Variants in GRID2 observed in about 807,000 individuals in gnomAD.
The protein encoded by GRID2 is glutamate ionotropic receptor delta type subunit 2.
A neutral mutation model predicts 114.8 loss-of-function variants in GRID2; 33 were observed. The observed-to-expected ratio is 0.29, with a 90% CI of 0.22 to 0.38. GRID2 has a LOEUF of 0.38. Among genes scored for constraint, GRID2 ranks in the 10% least tolerant of loss-of-function variants. GRID2 has a pLI of 1.00. For missense variants in GRID2, 1,184 were observed against 1,257.7 expected (o/e 0.94, Z 0.89); for synonymous variants, 505 against 449.9 (o/e 1.12, Z -1.55).
At chr4:93,806,506 C>G (rs915360923) in intron 1 of GRID2, among the ~76,000 whole-genome samples, 1 of 152,226 alleles carries the variant, frequency 6.6e-6, no homozygotes, top group African/African-American at 2.4e-5. Flanking sequence ...AGCCAATATG[C>G]TCTGGTTTTT....
At chr4:93,284,269 A>C (rs1028086363) in intron 8 of GRID2, among the ~76,000 whole-genome samples, 19 of 152,020 alleles carry the variant, frequency 1.2e-4, no homozygotes, top group African/African-American at 4.6e-4. Flanking sequence ...ATAAATTGAA[A>C]ATATTAGAAG....
At chr4:92,625,780 C>T (rs944608006) in intron 2 of GRID2, among the ~76,000 whole-genome samples, 8 of 151,736 alleles carry the variant, frequency 5.3e-5, no homozygotes, top group Non-Finnish European at 7.4e-5. Context: ...TGTAAAATTG[C>T]GACTGTTTCT....
intron 8 of GRID2, among the ~76,000 whole-genome samples, chr4:93,312,489 GAAAC>G (rs762201613): frequency 1.4e-4 from 21 of 152,136 alleles, no homozygotes; most frequent in Non-Finnish European, 2.6e-4. Flanking sequence ...GTACAAGCCT[GAAAC>G]AAACAAACAA....
At chr4:92,670,813 G>A (rs898778185) in intron 2 of GRID2, among the ~76,000 whole-genome samples, 4 of 152,002 alleles carry the variant, frequency 2.6e-5, no homozygotes, top group Non-Finnish European at 5.9e-5. Flanking sequence ...GGCTTAGAGA[G>A]GATAAGTAGT....
chr4:93,646,564 A>G (rs1004226704), intron 14 of GRID2, among the ~76,000 whole-genome samples: 4 of 152,208 alleles, frequency 2.6e-5, no homozygotes, highest in Non-Finnish European at 4.4e-5. Flanking sequence ...AGCCATTGGA[A>G]ATTTTTAAAG....
intron 8 of GRID2, among the ~76,000 whole-genome samples, chr4:93,261,757 T>A (rs1252171449): frequency 1.3e-5 from 2 of 151,896 alleles, no homozygotes; most frequent in African/African-American, 4.8e-5. Flanking sequence ...TGACTAACCA[T>A]CTAGCCGTCT....
At chr4:92,384,524 A>T (rs1398210104) in intron 1 of GRID2, among the ~76,000 whole-genome samples, 5 of 29,304 alleles carry the variant, frequency 1.7e-4, no homozygotes, top group African/African-American at 1.0e-3. Flanking sequence ...ATATTATATA[A>T]TATAATATAT....
chr4:93,419,822 G>A (rs1768087105), intron 9 of GRID2, among the ~76,000 whole-genome samples: 1 of 151,986 alleles, frequency 6.6e-6, no homozygotes, highest in Non-Finnish European at 1.5e-5. Flanking sequence ...TTTAACATAA[G>A]AAAATATAAC....
chr4:93,658,362 G>T lies in GRID2; in HGVS notation c.2360+31927G>T, dbSNP rs543244727. ...CAGGAATTTTAGAAATTAATAAAGA[G>T]GTCTTATTTATTTAATATTGAAATA... On this transcript the variant is annotated intron_variant, in intron 14 of 15. Transcript: ENST00000282020. Among the ~76,000 whole-genome samples the T allele has an allele frequency of 3.3e-5, 5 of 152,066 alleles. No individual in the cohort carries two copies. The South Asian group carries it at 1.0e-3, about 32-fold the overall frequency.
At chr4:92,413,716 C>T (rs1731448950) in intron 1 of GRID2, among the ~76,000 whole-genome samples, 1 of 151,950 alleles carries the variant, frequency 6.6e-6, no homozygotes, top group Admixed American at 6.6e-5. Context: ...AAGGGAATCT[C>T]AAAAAGAAAT....
intron 8 of GRID2, among the ~76,000 whole-genome samples, chr4:93,299,711 A>G (rs776733487): frequency 1.3e-5 from 2 of 152,006 alleles, no homozygotes; most frequent in Non-Finnish European, 2.9e-5. Flanking sequence ...AAAAATATAT[A>G]TATAAAAAAA....
intron 2 of GRID2, among the ~76,000 whole-genome samples, chr4:92,679,799 A>G (rs1246850487): frequency 1.3e-5 from 2 of 152,068 alleles, no homozygotes; most frequent in Admixed American, 6.5e-5. Context: ...CATTAGTGTC[A>G]TTAGTACCAC....
chr4:92,566,225 T>C (rs1031763949), intron 1 of GRID2, among the ~76,000 whole-genome samples: 10 of 152,112 alleles, frequency 6.6e-5, no homozygotes, highest in African/African-American at 2.4e-4. Context: ...TCTCAAAATA[T>C]GATTTTCATG....
At chr4:92,932,174 G>T (rs140591596) in intron 2 of GRID2, among the ~76,000 whole-genome samples, 31 of 151,180 alleles carry the variant, frequency 2.1e-4, no homozygotes, top group African/African-American at 7.2e-4. Context: ...AACTGTCAAA[G>T]AATTTTTATC....
chr4:93,403,644 A>G (rs191855182), intron 9 of GRID2, among the ~76,000 whole-genome samples: 47 of 152,286 alleles, frequency 3.1e-4, no homozygotes, highest in Non-Finnish European at 3.5e-4. Context: ...ATAGTTTTCC[A>G]TCAAGGAAAT....
chr4:92,628,559 T>G (rs908409267), intron 2 of GRID2, among the ~76,000 whole-genome samples: 6 of 152,158 alleles, frequency 3.9e-5, no homozygotes, highest in Admixed American at 1.3e-4. Flanking sequence ...GGTTTCACCG[T>G]GTTGCCCAGG....
chr4:93,509,962 TAAC>T (rs1486258555), intron 12 of GRID2, among the ~76,000 whole-genome samples: 2 of 152,160 alleles, frequency 1.3e-5, no homozygotes, highest in Admixed American at 6.5e-5. Context: ...CTCAGGGCTG[TAAC>T]AATATCTGTC....
At chr4:93,278,378 TG>T (rs1361599328) in intron 8 of GRID2, among the ~76,000 whole-genome samples, 5 of 151,680 alleles carry the variant, frequency 3.3e-5, no homozygotes, top group African/African-American at 1.2e-4. Context: ...AGTAGTGGTA[TG>T]GGTTTGAGAG....
At chr4:93,761,088 G>A (rs968370769) in intron 14 of GRID2, among the ~76,000 whole-genome samples, 1 of 152,170 alleles carries the variant, frequency 6.6e-6, no homozygotes, top group African/African-American at 2.4e-5. Flanking sequence ...TTCATATACA[G>A]TGCATATGTG....
Sources: allele counts gnomAD v4.1 joint callset (sites outside exome capture counted in the v4.1 genomes callset), GRCh38; gene constraint gnomAD v4.1.1; transcripts MANE v1.5; gene names NCBI Gene and HGNC (gene_info 2026-07-23, HGNC 2026-07-21).